The following PHKA2 variants were observed in gnomAD, a reference collection of about 807,000 sequenced individuals.
PHKA2 encodes phosphorylase b kinase regulatory subunit alpha, liver isoform.
Under a neutral mutation model 102.0 loss-of-function variants are expected in PHKA2, and 31 were observed. The ratio of observed to expected loss-of-function variants is 0.30; its 90% CI spans 0.23 to 0.41. The LOEUF is 0.41. Among genes scored for constraint, PHKA2 ranks in the 10% least tolerant of loss-of-function variants. The pLI is 1.00. For missense variants in PHKA2, 858 were observed against 1,023.1 expected (o/e 0.84, Z 2.20); for synonymous variants, 455 against 416.2 (o/e 1.09, Z -1.13).
At chrX:18,910,311 C>G (rs1339497693) in intron 20 of PHKA2, among the ~76,000 whole-genome samples, 2 of 111,560 alleles carry the variant, frequency 1.8e-5, no homozygotes, top group African/African-American at 6.5e-5. Context: ...AAAACCCTGT[C>G]TCTACAAAAA....
intron 12 of PHKA2, among the ~76,000 whole-genome samples, chrX:18,930,105 T>C (rs894861877): frequency 1.8e-5 from 2 of 112,480 alleles, no homozygotes; most frequent in African/African-American, 6.5e-5. Context: ...ACAGAAAATT[T>C]CCCCTAGATC....
chrX:18,940,120 C>A (rs1407157830), intron 8 of PHKA2, 72 bp from the exon 9 acceptor site: 15 of 661,438 alleles, frequency 2.3e-5, no homozygotes. Flanking sequence ...CAGCCCTGCA[C>A]CCTCTTTCCC....
At chrX:18,938,802 A>ATACCATTG in intron 9 of PHKA2, 53 bp from the exon 10 acceptor site, 1 of 1,093,584 alleles carries the variant, frequency 9.1e-7, no homozygotes, top group Non-Finnish European at 1.3e-6. Flanking sequence ...TACATACATA[A>ATACCATTG]TACCATTGTG....
At chrX:18,937,119 G>A (rs904526142) in intron 10 of PHKA2, among the ~76,000 whole-genome samples, 2 of 111,057 alleles carry the variant, frequency 1.8e-5, no homozygotes, top group African/African-American at 6.6e-5. Flanking sequence ...CTGAGCAGGA[G>A]AGCTGTCAAG....
chrX:18,946,342 GCCTTCCTGCA>G (rs2048578969), intron 5 of PHKA2, among the ~76,000 whole-genome samples: 1 of 111,255 alleles, frequency 9.0e-6, no homozygotes, highest in Admixed American at 9.5e-5. Context: ...TCTCATCTGC[GCCTTCCTGCA>G]GCCCAACCCA....
intron 26 of PHKA2, 125 bp from the exon 27 acceptor site, chrX:18,901,728 C>A: frequency 1.9e-6 from 1 of 535,913 alleles, no homozygotes; most frequent in South Asian, 2.4e-5. Context: ...GCTGTGTCTC[C>A]AGCACCGAGA....
At chrX:18,959,379 G>A (rs1055718545) in intron 1 of PHKA2, among the ~76,000 whole-genome samples, 4 of 111,966 alleles carry the variant, frequency 3.6e-5, no homozygotes, top group African/African-American at 1.3e-4. Context: ...GTCAGATGAT[G>A]TAGCTAGGGG....
At chrX:18,921,570 CTAAATTA>C (rs2048123723) in intron 17 of PHKA2, among the ~76,000 whole-genome samples, 1 of 112,319 alleles carries the variant, frequency 8.9e-6, no homozygotes, top group Non-Finnish European at 1.9e-5. Flanking sequence ...AAATCATATA[CTAAATTA>C]TAACTATATT....
rs41311823 is a variant in PHKA2 at position 18,896,654 on chromosome X, G to A, written c.3282+509C>T. On this transcript the variant is annotated intron_variant, in intron 30 of 32. Coordinates refer to ENST00000379942, the MANE Select transcript of PHKA2 (RefSeq NM_000292.3). ...CTCCTGCCTGGATGTGCGGGAGGCT[G>A]GGGGGCTGGCCTACTCCAGGCCCCT... 252 of 167,994 alleles carry A rather than the reference G, an allele frequency of 1.5e-3. 1 individual carries two copies. The South Asian group carries it at 0.017, about 11-fold the overall frequency. The allele number at this position is 167,994 out of a possible 1,213,427, so 13.8% of individuals were successfully genotyped here.
intron 17 of PHKA2, among the ~76,000 whole-genome samples, chrX:18,922,304 TCA>T (rs764944194): frequency 7.0e-4 from 79 of 112,438 alleles, no homozygotes; most frequent in African/African-American, 2.5e-3. Context: ...GTATTCTCTC[TCA>T]GTTATGATGC....
intron 26 of PHKA2, among the ~76,000 whole-genome samples, 153 bp from the exon 27 acceptor site, chrX:18,901,756 C>T (rs904838621): frequency 1.3e-4 from 14 of 110,904 alleles, no homozygotes; most frequent in African/African-American, 4.6e-4. Context: ...AGGTGCAGCA[C>T]TCAGCTCTTA....
rs758913685 is a variant in PHKA2 at position 18,951,316 on chromosome X, A to G, written c.286-44T>C. 43 of 1,168,629 alleles carry G rather than the reference A, an allele frequency of 3.7e-5. No homozygotes were observed. In the East Asian group the frequency reaches 1.2e-3, roughly 32 times the overall value. On this transcript the variant is annotated intron_variant, in intron 3 of 32. Coordinates refer to ENST00000379942, the MANE Select transcript of PHKA2 (RefSeq NM_000292.3). Reference sequence around the variant, plus strand: ...CCGCTCTGCATAGTTATGGGGGTTCATGGCTGGCAGAGATCACGGCCATGG... The same window carrying G: ...CCGCTCTGCATAGTTATGGGGGTTCGTGGCTGGCAGAGATCACGGCCATGG...
intron 28 of PHKA2, among the ~76,000 whole-genome samples, chrX:18,899,837 AAAT>A (rs1214432117): frequency 8.9e-6 from 1 of 112,012 alleles, no homozygotes; most frequent in Non-Finnish European, 1.9e-5. Flanking sequence ...TTTTTGGAAC[AAAT>A]AATATGTTCC....
intron 1 of PHKA2, among the ~76,000 whole-genome samples, chrX:18,970,138 C>A (rs1003410657): frequency 8.9e-6 from 1 of 111,803 alleles, no homozygotes; most frequent in Non-Finnish European, 1.9e-5. Flanking sequence ...ACTGGGGAGG[C>A]TGAGGTGGGA....
At chrX:18,902,092 T>C (rs948895458) in intron 26 of PHKA2, among the ~76,000 whole-genome samples, 2 of 111,043 alleles carry the variant, frequency 1.8e-5, no homozygotes, top group African/African-American at 3.3e-5. Context: ...CCGCCCACCT[T>C]GACCTCCCAA....
intron 26 of PHKA2, among the ~76,000 whole-genome samples, chrX:18,905,234 C>T (rs759921087): frequency 8.9e-6 from 1 of 112,421 alleles, no homozygotes; most frequent in Non-Finnish European, 1.9e-5. Flanking sequence ...AGCGCAGTGG[C>T]GCGATCTCAG....
chrX:18,972,625 T>C (rs1372745552), intron 1 of PHKA2, among the ~76,000 whole-genome samples: 2 of 112,393 alleles, frequency 1.8e-5, no homozygotes, highest in Admixed American at 9.5e-5. Flanking sequence ...ACAGTTTTTG[T>C]TGCTACTGTG....
At position 18,906,728 on chromosome X, in the gene PHKA2, C is replaced by T; in HGVS notation, c.2676+8G>A. ...TGTGGCCCGACCCCTCCCACACCAGCCCCAGACCTGCGTGAGGACGGCAAT... is the reference window on the plus strand; with the variant it reads ...TGTGGCCCGACCCCTCCCACACCAGTCCCAGACCTGCGTGAGGACGGCAAT... On this transcript the variant is annotated splice_region_variant and intron_variant, in intron 24 of 32. Transcript: ENST00000379942. The T allele has an allele frequency of 8.3e-7, 1 of 1,208,901 alleles. No individual in the cohort carries two copies. The highest frequency in any genetic ancestry group is 1.1e-6 in the Non-Finnish European group (1 of 892,652).
chrX:18,906,435 C>T (rs2047811857), intron 25 of PHKA2, 60 bp downstream of exon 25: 43 of 1,194,538 alleles, frequency 3.6e-5, no homozygotes, highest in Non-Finnish European at 4.8e-5. Context: ...AGAGTGGAGG[C>T]CGTGGCCGGG....
Sources: allele counts gnomAD v4.1 joint callset (sites outside exome capture counted in the v4.1 genomes callset), GRCh38; gene constraint gnomAD v4.1.1; transcripts MANE v1.5; gene names NCBI Gene and HGNC (gene_info 2026-07-23, HGNC 2026-07-21).